MYO18B: variants seen among roughly 807,000 people sequenced by gnomAD.
MYO18B encodes myosin XVIIIB, also known as unconventional myosin-XVIIIb.
MYO18B carries 204 observed loss-of-function variants against 273.0 expected under a neutral mutation model. The observed-to-expected ratio is 0.75, with a 90% CI of 0.67 to 0.84. The LOEUF (loss-of-function observed/expected upper bound fraction) is 0.84. MYO18B is among the 40% of genes least tolerant of loss of function. The probability of loss-of-function intolerance (pLI) is 0.00; values close to 1 mark genes in which losing one functional copy is unlikely to be tolerated. For missense variants in MYO18B, 3,212 were observed against 3,287.6 expected (o/e 0.98, Z 0.56); for synonymous variants, 1,330 against 1,305.7 (o/e 1.02, Z -0.40).
intron 34 of MYO18B, among the ~76,000 whole-genome samples, chr22:25,925,655 A>C (rs932848596): frequency 6.6e-6 from 1 of 152,150 alleles, no homozygotes; most frequent in African/African-American, 2.4e-5. Flanking sequence ...CTGTAATCCC[A>C]GCACTTTGGG....
At chr22:25,884,840 A>T (rs1166301579) in intron 25 of MYO18B, 1 of 152,216 alleles carries the variant, frequency 6.6e-6, no homozygotes, top group African/African-American at 2.4e-5. Context: ...TTGTTTCATC[A>T]TCAGTAAAAT....
intron 25 of MYO18B, among the ~76,000 whole-genome samples, chr22:25,885,446 C>T (rs2091468235): frequency 6.6e-6 from 1 of 152,072 alleles, no homozygotes; most frequent in Non-Finnish European, 1.5e-5. Flanking sequence ...AGGAGCTGGC[C>T]AGGTGACAAG....
At chr22:25,829,331 T>C (rs5996984) in intron 15 of MYO18B, among the ~76,000 whole-genome samples, 12,444 of 152,176 alleles carry the variant, frequency 0.082, 1,135 homozygotes, top group African/African-American at 0.21. Flanking sequence ...GAATGCCCTT[T>C]GAGTCCTGTG....
At chr22:25,989,767 CAAAAAA>C (rs67095758) in intron 39 of MYO18B, among the ~76,000 whole-genome samples, 3 of 80,420 alleles carry the variant, frequency 3.7e-5, no homozygotes, top group Non-Finnish European at 4.7e-5. Context: ...GACTCCGTCT[CAAAAAA>C]AAAAAAAAAA....
chr22:26,026,976 TG>T lies in MYO18B; in HGVS notation c.7007del (p.Gly2336AlafsTer20). 6.2e-7 allele frequency: 1 copy of T among 1,613,872 alleles called. No individual in the cohort carries two copies. Among genetic ancestry groups the T allele is most frequent in the African/African-American group, 1.3e-5 (1 of 75,032 alleles). On this transcript the variant is annotated frameshift_variant, in exon 43 of 44. Transcript: ENST00000335473. LOFTEE classifies it high-confidence loss of function. ...SLKCISSDGV[G>X]GTTLLPEKSK... is the part of the protein sequence containing the mutation. ...TCAAATGCATCTCTTCAGACGGTGT[TG>T]GGGGCACAACCCTACTCCCCGAAAA... is the stretch of plus-strand genomic sequence containing the variant.
At chr22:25,895,117 T>C (rs1333548772) in intron 27 of MYO18B, 39 bp from the exon 28 acceptor site, 22 of 1,601,658 alleles carry the variant, frequency 1.4e-5, no homozygotes, top group Non-Finnish European at 1.8e-5. Context: ...TTACACTCAT[T>C]TGGCCTCTTA....
chr22:25,980,697 C>G (rs193005054), intron 39 of MYO18B, among the ~76,000 whole-genome samples: 1 of 152,160 alleles, frequency 6.6e-6, no homozygotes, highest in South Asian at 2.1e-4. Context: ...GTTCTACATT[C>G]TCTATAGTGA....
rs557607855 is a variant in MYO18B, at chr22:25,832,968, G to A, written c.3031G>A (p.Val1011Met). 60 of 1,613,664 alleles carry A rather than the reference G, an allele frequency of 3.7e-5. No homozygotes were observed. The highest frequency in any genetic ancestry group is 8.9e-5 in the East Asian group (4 of 44,878). ...CCCGGACCCCTCCCCAGGGACCACCGTGGCTGTTGTGGATCAAAATCCCTC... is the reference window on the plus strand; with the variant it reads ...CCCGGACCCCTCCCCAGGGACCACCATGGCTGTTGTGGATCAAAATCCCTC... ...DLPDPSPGTT[V>M]AVVDQNPSQV... Residue 1011 changes from valine to methionine, a missense_variant, in exon 16 of 44, where the codon GTG (valine) becomes ATG (methionine). By Grantham distance (21) the Val-to-Met change is conservative (BLOSUM62 1). Coordinates refer to ENST00000335473, the MANE Select transcript of MYO18B (RefSeq NM_032608.7).
chr22:25,884,262 G>C (rs1170790409), intron 25 of MYO18B, among the ~76,000 whole-genome samples: 1 of 152,182 alleles, frequency 6.6e-6, no homozygotes, highest in Non-Finnish European at 1.5e-5. Context: ...TCTAGCAGGA[G>C]GTAGGAAAGT....
At chr22:25,869,303 A>T (rs912404162) in intron 22 of MYO18B, among the ~76,000 whole-genome samples, 2 of 152,018 alleles carry the variant, frequency 1.3e-5, no homozygotes, top group African/African-American at 4.8e-5. Flanking sequence ...TTTAAAAATT[A>T]TCTGGGCGTG....
At chr22:25,851,432 AC>A (rs1177268205) in intron 20 of MYO18B, 37 bp from the exon 21 acceptor site, 1 of 1,404,418 alleles carries the variant, frequency 7.1e-7, no homozygotes, top group Non-Finnish European at 9.9e-7. Context: ...TCTCATCTGG[AC>A]TCTGTGCTCT....
At chr22:25,751,638 T>A (rs1392515283) in intron 1 of MYO18B, among the ~76,000 whole-genome samples, 1 of 152,232 alleles carries the variant, frequency 6.6e-6, no homozygotes, top group Non-Finnish European at 1.5e-5. Context: ...TCGACCTCTC[T>A]GAGTCTGTCT....
At chr22:25,838,480 A>G (rs1472554921) in intron 17 of MYO18B, among the ~76,000 whole-genome samples, 1 of 152,158 alleles carries the variant, frequency 6.6e-6, no homozygotes, top group South Asian at 2.1e-4. Flanking sequence ...GATTACACAC[A>G]CACAGTCATG....
intron 37 of MYO18B, 148 bp downstream of exon 37, chr22:25,950,598 G>T: frequency 1.8e-6 from 1 of 571,110 alleles, no homozygotes; most frequent in Non-Finnish European, 2.9e-6. Context: ...TGAGACAAGA[G>T]TCTCACTCTG....
rs772230737 is a variant in MYO18B, at chr22:26,003,296, G to A, written c.6319G>A (p.Gly2107Ser). Residue 2107 changes from glycine to serine, a missense_variant, in exon 41 of 44, where the codon GGC (glycine) becomes AGC (serine). Gly to Ser is a moderately conservative substitution (Grantham distance 56). Transcript: ENST00000335473. ...GACGGCAGTGGATTGTGGCAGCAGC[G>A]GCCGAAAAGAGATGTAAGTTAACCC... ...VQTAVDCGSS[G>S]RKEMDNVSIL... 1.5e-5 allele frequency: 24 copies of A among 1,607,796 alleles called. No homozygotes were observed. The highest frequency in any genetic ancestry group is 3.3e-5 in the South Asian group (3 of 89,568).
At chr22:25,847,087 AAAAAT>A (rs2090271807) in intron 19 of MYO18B, among the ~76,000 whole-genome samples, 1 of 151,568 alleles carries the variant, frequency 6.6e-6, no homozygotes, top group Non-Finnish European at 1.5e-5. Context: ...TCAAAAAAAA[AAAAAT>A]AAAGAAAGAA....
chr22:25,951,526 A>G (rs1215850621), intron 37 of MYO18B, among the ~76,000 whole-genome samples: 2 of 152,222 alleles, frequency 1.3e-5, no homozygotes, highest in African/African-American at 4.8e-5. Flanking sequence ...AAATGGCTCC[A>G]AGAACAAGAG....
chr22:25,758,634 G>A (rs2086203159), intron 1 of MYO18B, among the ~76,000 whole-genome samples: 1 of 152,114 alleles, frequency 6.6e-6, no homozygotes, highest in African/African-American at 2.4e-5. Flanking sequence ...CCGTTATAGC[G>A]AATGTCCAAA....
chr22:25,830,651 G>A (rs939813976), intron 15 of MYO18B, among the ~76,000 whole-genome samples: 4 of 152,226 alleles, frequency 2.6e-5, no homozygotes, highest in Non-Finnish European at 5.9e-5. Flanking sequence ...TTCCAAGAGA[G>A]CAAACAGAAG....
Sources: gnomAD v4.1 joint callset for allele counts (sites outside exome capture counted in the v4.1 genomes callset) on GRCh38, gnomAD v4.1.1 for gene constraint, MANE v1.5 for transcripts, NCBI Gene and HGNC (gene_info 2026-07-23, HGNC 2026-07-21) for gene names.